RFX7: variants seen among roughly 807,000 people sequenced by gnomAD.
RFX7 encodes the protein regulatory factor X7, also known as DNA-binding protein RFX7.
Under a neutral mutation model 111.8 loss-of-function variants are expected in RFX7, and 26 were observed. The observed-to-expected ratio is 0.23, with a 90% confidence interval of 0.17 to 0.32. The LOEUF (loss-of-function observed/expected upper bound fraction) is 0.32, where lower values mean the gene tolerates loss of function less well. RFX7 is among the 10% of genes least tolerant of loss of function. The pLI, the probability that RFX7 is intolerant of heterozygous loss-of-function variation, is 1.00. For synonymous variants in RFX7, 624 were observed against 624.4 expected (o/e 1.00, Z 0.01); for missense variants, 1,573 against 1,772.9 (o/e 0.89, Z 2.02).
At chr15:56,142,171 T>C (rs907792155) in intron 5 of RFX7, among the ~76,000 whole-genome samples, 3 of 152,162 alleles carry the variant, frequency 2.0e-5, no homozygotes, top group Non-Finnish European at 4.4e-5. Context: ...AACGAGACTA[T>C]ATTTAGCACC....
chr15:56,148,155 T>C (rs1595966240), intron 3 of RFX7, among the ~76,000 whole-genome samples: 1 of 152,306 alleles, frequency 6.6e-6, no homozygotes, highest in East Asian at 1.9e-4. Context: ...CTTCAATCTT[T>C]GCAAAAAGAT....
Position 56,094,675 on chromosome 15 carries a change from A to G in RFX7, c.3053T>C (p.Val1018Ala), listed in dbSNP as rs1230734656. 1.2e-6 allele frequency: 2 copies of G among 1,613,984 alleles called. No homozygotes were observed. Among genetic ancestry groups the G allele is most frequent in the South Asian group, 1.1e-5 (1 of 91,080 alleles). ...NCSSSVPPSPVECRNPFAFTP... is the reference protein window; with the variant it reads ...NCSSSVPPSPAECRNPFAFTP... ...GAATGCAAACGGATTCCTGCATTCA[A>G]CAGGGCTGGGGGGGACACTACTGCT... Residue 1018 changes from valine (V) to alanine (A), a missense_variant, in exon 10 of 10, where the codon GTT becomes GCT. Around this residue, in one of 7 missense-constraint regions of RFX7, gnomAD observed 32 missense variants for 67.7 expected, o/e 0.47. Coordinates refer to ENST00000559447, the MANE Select transcript of RFX7 (RefSeq NM_022841.7).
intron 2 of RFX7, among the ~76,000 whole-genome samples, chr15:56,230,001 C>A (rs2043532496): frequency 6.6e-6 from 1 of 152,184 alleles, no homozygotes. Flanking sequence ...CCCTCACCGA[C>A]AGGCTTCCTT....
intron 2 of RFX7, among the ~76,000 whole-genome samples, chr15:56,214,065 A>G (rs1308015725): frequency 6.6e-6 from 1 of 152,132 alleles, no homozygotes; most frequent in Non-Finnish European, 1.5e-5. Flanking sequence ...TCCATCATGC[A>G]TGAGTTTTTT....
chr15:56,167,731 C>A (rs1345725279), intron 3 of RFX7, among the ~76,000 whole-genome samples: 1 of 152,094 alleles, frequency 6.6e-6, no homozygotes, highest in African/African-American at 2.4e-5. Flanking sequence ...TTTTTCATAG[C>A]TTTAAAACTA....
intron 5 of RFX7, among the ~76,000 whole-genome samples, chr15:56,139,129 G>A (rs1327030887): frequency 7.2e-5 from 11 of 151,858 alleles, no homozygotes; most frequent in South Asian, 4.2e-4. Flanking sequence ...TCTTTATGGC[G>A]TTCTCTGTAT....
chr15:56,123,603 T>C (rs1467114216), intron 5 of RFX7, among the ~76,000 whole-genome samples: 2 of 152,144 alleles, frequency 1.3e-5, no homozygotes, highest in Non-Finnish European at 2.9e-5. Context: ...GCCGCCCAAG[T>C]CCACTGGTTC....
chr15:56,226,855 C>A (rs1276175240), intron 2 of RFX7, among the ~76,000 whole-genome samples: 1 of 152,094 alleles, frequency 6.6e-6, no homozygotes, highest in African/African-American at 2.4e-5. Flanking sequence ...TAAACTGCAG[C>A]CCCAAAGAAA....
Position 56,095,717 on chromosome 15 carries a change from G to C in RFX7, c.2011C>G (p.Pro671Ala). The change falls in exon 10 of 10, where the codon CCT becomes GCT. Residue 671 changes from proline to alanine, a missense_variant. This residue lies in a region of RFX7 where 625 missense variants were observed against 632.2 expected (regional missense o/e 0.99). Coordinates refer to ENST00000559447, the MANE Select transcript of RFX7 (RefSeq NM_022841.7). ...SSTLQETQVP[P>A]VKKPIVEQLS... ...TGTTCCACAATTGGTTTCTTTACAG[G>C]AGGCACCTGGGTCTCCTGCAATGTA... 1 of 1,613,934 alleles carries C rather than the reference G, an allele frequency of 6.2e-7. No homozygotes were observed. The highest frequency in any genetic ancestry group is 8.5e-7 in the Non-Finnish European group (1 of 1,179,850).
intron 3 of RFX7, 58 bp downstream of exon 3, chr15:56,179,212 T>C (rs2042935569): frequency 1.5e-5 from 12 of 815,520 alleles, no homozygotes; most frequent in Non-Finnish European, 2.1e-5. Flanking sequence ...ACTGTATATT[T>C]TATATCGTCA....
intron 3 of RFX7, among the ~76,000 whole-genome samples, chr15:56,174,912 G>A (rs529738583): frequency 1.3e-5 from 2 of 152,134 alleles, no homozygotes; most frequent in Admixed American, 6.5e-5. Flanking sequence ...CTTAAGATCC[G>A]GAACAAGGCA....
At chr15:56,121,920 CTG>C (rs781768525) in intron 5 of RFX7, among the ~76,000 whole-genome samples, 15 of 152,282 alleles carry the variant, frequency 9.9e-5, no homozygotes, top group Admixed American at 2.0e-4. Context: ...AATTCCTTCT[CTG>C]TGTTTTCTTG....
chr15:56,107,296 CAA>C (rs56077181), intron 5 of RFX7, among the ~76,000 whole-genome samples: 13 of 32,136 alleles, frequency 4.0e-4, no homozygotes, highest in African/African-American at 1.1e-3. Context: ...GACTCCGTCT[CAA>C]AAAAAAAAAA....
intron 5 of RFX7, among the ~76,000 whole-genome samples, 168 bp from the exon 6 acceptor site, chr15:56,103,838 G>T (rs2041793189): frequency 6.6e-6 from 1 of 152,174 alleles, no homozygotes; most frequent in African/African-American, 2.4e-5. Flanking sequence ...GTTAACTCAG[G>T]TTTAGTTAGC....
At chr15:56,244,222 C>G (rs569398416), upstream of RFX7, 9 of 152,320 alleles carry the variant, frequency 5.9e-5, no homozygotes, top group African/African-American at 1.9e-4. Flanking sequence ...CCCCCTTCCC[C>G]TGCACATGCA....
At chr15:56,200,085 T>C (rs957852117) in intron 2 of RFX7, among the ~76,000 whole-genome samples, 7 of 152,170 alleles carry the variant, frequency 4.6e-5, no homozygotes, top group Non-Finnish European at 7.3e-5. Context: ...TCCTCTGTCA[T>C]AGAAACATTA....
chr15:56,130,986 T>C (rs2042204534), intron 5 of RFX7, among the ~76,000 whole-genome samples: 2 of 152,032 alleles, frequency 1.3e-5, no homozygotes, highest in Admixed American at 1.3e-4. Context: ...TCTTTAAAAC[T>C]TTCAAGAATA....
intron 5 of RFX7, among the ~76,000 whole-genome samples, chr15:56,111,033 A>C: frequency 1.2e-5 from 1 of 82,550 alleles, no homozygotes. Flanking sequence ...TGGGGGGGTC[A>C]GCCCCCCACC....
intron 2 of RFX7, among the ~76,000 whole-genome samples, chr15:56,215,731 G>A (rs2043357357): frequency 6.6e-6 from 1 of 152,102 alleles, no homozygotes; most frequent in South Asian, 2.1e-4. Context: ...GCTATTTATT[G>A]CTGTATAATA....
Sources: gnomAD v4.1 joint callset for allele counts (sites outside exome capture counted in the v4.1 genomes callset) on GRCh38, gnomAD v4.1.1 for gene constraint, gnomAD v4.1.1 regional missense constraint, MANE v1.5 for transcripts, NCBI Gene and HGNC (gene_info 2026-07-23, HGNC 2026-07-21) for gene names.